CALN1: variants seen among roughly 807,000 people sequenced by gnomAD.
CALN1 encodes calcium-binding protein 8.
CALN1 carries 17 observed loss-of-function variants against 30.6 expected under a neutral mutation model. That is an observed-to-expected ratio of 0.56 (90% CI 0.38 to 0.83). The LOEUF is 0.83. Among genes scored for constraint, CALN1 ranks in the 40% least tolerant of loss-of-function variants. The pLI is 0.00. For missense variants in CALN1, 291 were observed against 354.9 expected (o/e 0.82, Z 1.45); for synonymous variants, 156 against 131.4 (o/e 1.19, Z -1.28).
At chr7:72,409,715 T>C (rs1428569772) in intron 1 of CALN1, among the ~76,000 whole-genome samples, 2 of 152,108 alleles carry the variant, frequency 1.3e-5, no homozygotes, top group East Asian at 2.0e-4. Flanking sequence ...AAATAATTCA[T>C]AAGCATGGGT....
chr7:72,165,484 G>A (rs1053127640), intron 3 of CALN1, among the ~76,000 whole-genome samples: 4 of 151,982 alleles, frequency 2.6e-5, no homozygotes, highest in East Asian at 3.9e-4. Flanking sequence ...CAGGAGAATC[G>A]CTTAAACCCA....
chr7:72,079,529 A>G (rs757959785), intron 4 of CALN1, among the ~76,000 whole-genome samples: 1 of 152,134 alleles, frequency 6.6e-6, no homozygotes, highest in African/African-American at 2.4e-5. Context: ...TTTGAAAGTA[A>G]TGGCAAAAAC....
At chr7:71,824,584 C>G (rs1008520025) in intron 5 of CALN1, among the ~76,000 whole-genome samples, 4 of 152,092 alleles carry the variant, frequency 2.6e-5, no homozygotes, top group African/African-American at 4.8e-5. Context: ...ACCTGCACAG[C>G]TGGGGGCCAA....
At chr7:72,217,448 C>T (rs950169283) in intron 3 of CALN1, among the ~76,000 whole-genome samples, 15 of 152,148 alleles carry the variant, frequency 9.9e-5, no homozygotes, top group African/African-American at 3.6e-4. Context: ...CTCTCCCTGG[C>T]CCTGACATCA....
intron 4 of CALN1, among the ~76,000 whole-genome samples, chr7:72,077,063 C>T (rs1804797484): frequency 6.6e-6 from 1 of 151,996 alleles, no homozygotes; most frequent in Admixed American, 6.6e-5. Flanking sequence ...ACACAAATTT[C>T]TTTCCTTTGG....
intron 2 of CALN1, among the ~76,000 whole-genome samples, chr7:72,326,846 A>G (rs1801313997): frequency 6.6e-6 from 1 of 152,136 alleles, no homozygotes; most frequent in South Asian, 2.1e-4. Context: ...GACAGTGCAC[A>G]TGTCACTCAG....
intron 5 of CALN1, among the ~76,000 whole-genome samples, chr7:71,997,964 G>A (rs1210107239): frequency 6.6e-6 from 1 of 151,822 alleles, no homozygotes; most frequent in Non-Finnish European, 1.5e-5. Flanking sequence ...GGAATTACAG[G>A]TGCACGCCAC....
chr7:72,254,110 G>A (rs1795750853), intron 3 of CALN1, among the ~76,000 whole-genome samples: 1 of 151,906 alleles, frequency 6.6e-6, no homozygotes, highest in South Asian at 2.1e-4. Flanking sequence ...TCTGACTATT[G>A]GGTAGCACTG....
chr7:72,435,790 C>G (rs2909985), intron 1 of CALN1, among the ~76,000 whole-genome samples: 108,482 of 152,164 alleles, frequency 0.71, 39,241 homozygotes, highest in African/African-American at 0.81. Flanking sequence ...AACAATTTAA[C>G]AGTGTGGTAC....
chr7:72,140,037 G>C (rs547222797), intron 3 of CALN1, among the ~76,000 whole-genome samples: 1 of 152,020 alleles, frequency 6.6e-6, no homozygotes. Context: ...TCGGGAGACT[G>C]AGGTGGGAGG....
intron 5 of CALN1, among the ~76,000 whole-genome samples, chr7:71,836,702 C>A (rs1290114592): frequency 6.6e-6 from 1 of 150,784 alleles, no homozygotes; most frequent in South Asian, 2.1e-4. Flanking sequence ...ACTGCAACCT[C>A]CGCCTTCCAG....
chr7:72,403,780 G>A (rs551527772), intron 1 of CALN1, among the ~76,000 whole-genome samples: 1 of 152,274 alleles, frequency 6.6e-6, no homozygotes, highest in African/African-American at 2.4e-5. Context: ...ATTGCAACTT[G>A]CAAGGAAGCA....
intron 3 of CALN1, among the ~76,000 whole-genome samples, chr7:72,170,063 A>G (rs1788828591): frequency 6.6e-6 from 1 of 152,128 alleles, no homozygotes; most frequent in Non-Finnish European, 1.5e-5. Flanking sequence ...ATGGTGCATA[A>G]TCACAGCTCA....
At chr7:72,338,554 C>T (rs1368256693) in intron 2 of CALN1, among the ~76,000 whole-genome samples, 2 of 118,034 alleles carry the variant, frequency 1.7e-5, no homozygotes, top group South Asian at 2.9e-4. Context: ...TTTCAGAGTC[C>T]CTGAGGCACT....
intron 3 of CALN1, among the ~76,000 whole-genome samples, chr7:72,205,630 C>T (rs1791821325): frequency 7.3e-6 from 1 of 137,330 alleles, no homozygotes; most frequent in African/African-American, 2.8e-5. Flanking sequence ...TATCTTATCT[C>T]AATTTGTCAG....
chr7:72,197,489 CA>C (rs1384337459), intron 3 of CALN1, among the ~76,000 whole-genome samples: 1 of 152,020 alleles, frequency 6.6e-6, no homozygotes, highest in African/African-American at 2.4e-5. Flanking sequence ...CGTGAGCCAC[CA>C]CACCTGGCTG....
intron 3 of CALN1, among the ~76,000 whole-genome samples, chr7:72,159,887 AAGAAAC>A (rs1245263873): frequency 1.3e-5 from 2 of 152,242 alleles, no homozygotes; most frequent in Non-Finnish European, 2.9e-5. Flanking sequence ...CTGAAGGTGA[AAGAAAC>A]AGATATCTCT....
intron 3 of CALN1, among the ~76,000 whole-genome samples, chr7:72,142,578 A>G (rs1810032736): frequency 6.6e-6 from 1 of 152,224 alleles, no homozygotes; most frequent in Non-Finnish European, 1.5e-5. Flanking sequence ...AACGCAGCAG[A>G]AACTTCTGCA....
At chr7:71,986,152 A>G (rs955611298) in intron 5 of CALN1, among the ~76,000 whole-genome samples, 9 of 152,032 alleles carry the variant, frequency 5.9e-5, no homozygotes, top group African/African-American at 2.2e-4. Context: ...GGTTCAAGCA[A>G]TTCTCCTGCG....
Sources: allele counts gnomAD v4.1 joint callset (sites outside exome capture counted in the v4.1 genomes callset), GRCh38; gene constraint gnomAD v4.1.1; transcripts MANE v1.5; gene names NCBI Gene and HGNC (gene_info 2026-07-23, HGNC 2026-07-21).